STX8: variants seen among roughly 807,000 people sequenced by gnomAD.
STX8 encodes the protein syntaxin 8, also known as syntaxin-8.
In STX8, 23 loss-of-function variants were observed where a neutral mutation model predicts 37.5. The observed-to-expected ratio is 0.61, with a 90% confidence interval of 0.44 to 0.87. The LOEUF is 0.87. Ranked by LOEUF, STX8 falls within the 40% of genes least tolerant of loss-of-function variation. The pLI is 0.00. For synonymous variants in STX8, 115 were observed against 99.1 expected (o/e 1.16, Z -0.95); for missense variants, 313 against 284.7 (o/e 1.10, Z -0.71).
intron 7 of STX8, among the ~76,000 whole-genome samples, chr17:9,369,405 T>C (rs953086706): frequency 2.0e-5 from 3 of 152,208 alleles, no homozygotes; most frequent in African/African-American, 7.2e-5. Context: ...ATATTCTTGA[T>C]AAACAGCATG....
intron 4 of STX8, among the ~76,000 whole-genome samples, chr17:9,513,551 G>A (rs1176291570): frequency 6.6e-6 from 1 of 152,142 alleles, no homozygotes. Context: ...TGTGAAACAG[G>A]AACTCTTATA....
intron 7 of STX8, among the ~76,000 whole-genome samples, chr17:9,319,757 C>A (rs1204959391): frequency 6.6e-6 from 1 of 151,560 alleles, no homozygotes; most frequent in Non-Finnish European, 1.5e-5. Flanking sequence ...TCAAGACCAG[C>A]CTGACCAACA....
At chr17:9,451,142 A>G (rs1416103451) in intron 6 of STX8, among the ~76,000 whole-genome samples, 1 of 152,114 alleles carries the variant, frequency 6.6e-6, no homozygotes, top group Non-Finnish European at 1.5e-5. Flanking sequence ...CCCTTCCAGC[A>G]TTTATCTTGG....
intron 7 of STX8, among the ~76,000 whole-genome samples, chr17:9,303,424 AT>A (rs1908856744): frequency 6.6e-6 from 1 of 151,996 alleles, no homozygotes; most frequent in South Asian, 2.1e-4. Context: ...ATATGGTTGC[AT>A]CTCTCTGTTG....
intron 1 of STX8, among the ~76,000 whole-genome samples, chr17:9,569,055 GT>G (rs2151919111): frequency 6.6e-6 from 1 of 152,302 alleles, no homozygotes; most frequent in Non-Finnish European, 1.5e-5. Context: ...AAGAGTTAGA[GT>G]GACTTGCCCA....
At chr17:9,398,986 T>G (rs1368071662) in intron 6 of STX8, among the ~76,000 whole-genome samples, 1 of 149,692 alleles carries the variant, frequency 6.7e-6, no homozygotes. Flanking sequence ...GAAGTGGAGG[T>G]TGCAGTGAGC....
intron 7 of STX8, among the ~76,000 whole-genome samples, chr17:9,280,327 A>G (rs957693130): frequency 6.6e-6 from 1 of 152,366 alleles, no homozygotes; most frequent in East Asian, 1.9e-4. Flanking sequence ...TGGGAGACCA[A>G]GGCGGGTGGA....
chr17:9,271,830 T>G (rs1256237173), intron 7 of STX8, among the ~76,000 whole-genome samples: 1 of 151,856 alleles, frequency 6.6e-6, no homozygotes, highest in Non-Finnish European at 1.5e-5. Context: ...AGCCTCCATG[T>G]GACTCCTCTG....
chr17:9,339,682 T>A (rs1031487619), intron 7 of STX8, among the ~76,000 whole-genome samples: 2 of 152,072 alleles, frequency 1.3e-5, no homozygotes, highest in African/African-American at 4.8e-5. Flanking sequence ...GACTCCTCAT[T>A]CCTGCTGTGT....
At chr17:9,262,157 G>C (rs1161614449) in intron 7 of STX8, among the ~76,000 whole-genome samples, 1 of 152,328 alleles carries the variant, frequency 6.6e-6, no homozygotes, top group Non-Finnish European at 1.5e-5. Flanking sequence ...TTTGTTAAAA[G>C]GAAATCATTT....
intron 6 of STX8, among the ~76,000 whole-genome samples, chr17:9,487,030 G>A (rs1167148004): frequency 1.3e-5 from 2 of 152,154 alleles, no homozygotes; most frequent in Admixed American, 1.3e-4. Flanking sequence ...ATTAGGGTCT[G>A]TCATCACTGG....
intron 4 of STX8, among the ~76,000 whole-genome samples, chr17:9,525,628 G>A (rs185853543): frequency 2.6e-5 from 4 of 152,256 alleles, no homozygotes; most frequent in African/African-American, 4.8e-5. Flanking sequence ...TTACAAGCGT[G>A]AGCCACCGTG....
chr17:9,461,966 A>G (rs1905406832), intron 6 of STX8, among the ~76,000 whole-genome samples: 1 of 152,096 alleles, frequency 6.6e-6, no homozygotes, highest in Admixed American at 6.6e-5. Context: ...ATGAGAATCT[A>G]ACGCTGCCGC....
intron 5 of STX8, among the ~76,000 whole-genome samples, chr17:9,500,831 T>C (rs544921674): frequency 1.1e-3 from 162 of 152,076 alleles, no homozygotes; most frequent in Non-Finnish European, 1.8e-3. Flanking sequence ...TGAAACCCTG[T>C]CTCTATTTAA....
intron 3 of STX8, chr17:9,548,643 A>C (rs568470441): frequency 6.6e-6 from 1 of 151,728 alleles, no homozygotes; most frequent in African/African-American, 2.4e-5. Context: ...GCCTTAAAAA[A>C]AGAATAGGAA....
intron 7 of STX8, among the ~76,000 whole-genome samples, chr17:9,375,177 A>AATATATAC (rs1318129504): frequency 6.6e-6 from 1 of 152,068 alleles, no homozygotes; most frequent in African/African-American, 2.4e-5. Context: ...TGTGGCAGAT[A>AATATATAC]ATATATACAT....
intron 4 of STX8, among the ~76,000 whole-genome samples, chr17:9,512,390 A>C (rs1156859879): frequency 6.6e-6 from 1 of 152,208 alleles, no homozygotes; most frequent in East Asian, 1.9e-4. Flanking sequence ...TGATACTGAC[A>C]TAAAAACAAA....
At position 9,350,524 on chromosome 17, in the gene STX8, T is replaced by G. The variant is rs142341691; in HGVS notation, c.643+28028A>C. On this transcript the variant is annotated intron_variant, in intron 7 of 7. Transcript: ENST00000306357. ...ATCTTGCTCACACTAAAGTGTTTTT[T>G]TTTTTGTTTTTGTTTTTGTTTTCTT... Among the ~76,000 whole-genome samples the G allele has an allele frequency of 1.6e-3, 243 of 152,188 alleles. 2 individuals are homozygous for G. Among genetic ancestry groups the G allele is most frequent in the East Asian group, 0.012 (64 of 5,182 alleles).
intron 6 of STX8, among the ~76,000 whole-genome samples, chr17:9,400,694 C>T (rs960118496): frequency 6.6e-6 from 1 of 152,128 alleles, no homozygotes; most frequent in African/African-American, 2.4e-5. Flanking sequence ...CGTGAGCCAC[C>T]CGCGCCCGGC....
Sources: allele counts gnomAD v4.1 joint callset (sites outside exome capture counted in the v4.1 genomes callset), GRCh38; gene constraint gnomAD v4.1.1; transcripts MANE v1.5; gene names NCBI Gene and HGNC (gene_info 2026-07-23, HGNC 2026-07-21).